The following SORCS3 variants were observed in gnomAD, a reference collection of about 807,000 sequenced individuals.
SORCS3 encodes the protein sortilin related VPS10 domain containing receptor 3.
Under a neutral mutation model 146.3 loss-of-function variants are expected in SORCS3, and 57 were observed. That is an observed-to-expected ratio of 0.39 (90% CI 0.31 to 0.49). SORCS3 has a LOEUF of 0.49. SORCS3 is among the 20% of genes least tolerant of loss of function. The pLI is 0.92. For missense variants in SORCS3, 1,341 were observed against 1,575.5 expected, an observed-to-expected ratio of 0.85 and a Z score of 2.52; for synonymous variants, 653 against 618.5, an observed-to-expected ratio of 1.06 and a Z score of -0.83.
chr10:104,824,391 C>A (rs541762980), intron 1 of SORCS3, among the ~76,000 whole-genome samples: 22 of 152,312 alleles, frequency 1.4e-4, no homozygotes, highest in African/African-American at 4.8e-4. Flanking sequence ...TATCTCCCTT[C>A]TTGCACTGAA....
At chr10:105,017,387 T>C (rs2055174715) in intron 4 of SORCS3, among the ~76,000 whole-genome samples, 2 of 152,168 alleles carry the variant, frequency 1.3e-5, no homozygotes, top group Non-Finnish European at 2.9e-5. Context: ...TAAAGAGTCT[T>C]CTCTGCTGAT....
chr10:104,673,266 A>AAC (rs1258029465), intron 1 of SORCS3, among the ~76,000 whole-genome samples: 1 of 152,130 alleles, frequency 6.6e-6, no homozygotes, highest in Non-Finnish European at 1.5e-5. Flanking sequence ...TTAATTACTG[A>AAC]TAAGGAGGTA....
intron 1 of SORCS3, among the ~76,000 whole-genome samples, chr10:104,725,778 G>T (rs570747773): frequency 6.6e-6 from 1 of 152,392 alleles, no homozygotes; most frequent in East Asian, 1.9e-4. Flanking sequence ...GCTGAGCCAT[G>T]CGCGGGATAT....
intron 1 of SORCS3, among the ~76,000 whole-genome samples, chr10:104,804,255 C>G (rs2017657606): frequency 6.6e-6 from 1 of 152,164 alleles, no homozygotes; most frequent in Admixed American, 6.5e-5. Flanking sequence ...GAACCTGGCC[C>G]AAGGCCATAT....
chr10:104,890,277 C>G (rs1443966568), intron 2 of SORCS3, among the ~76,000 whole-genome samples: 1 of 152,032 alleles, frequency 6.6e-6, no homozygotes, highest in Non-Finnish European at 1.5e-5. Context: ...ACCTCCTTCT[C>G]CTTTTAGAGA....
intron 3 of SORCS3, among the ~76,000 whole-genome samples, chr10:104,966,292 C>T (rs1237963037): frequency 1.3e-5 from 2 of 152,036 alleles, no homozygotes; most frequent in African/African-American, 2.4e-5. Flanking sequence ...GAGTAAAAGC[C>T]GTATCTACAG....
In SORCS3 at chr10:104,738,125, A is replaced by G. The variant is rs554402030; in HGVS notation, c.627+96171A>G. Among the ~76,000 whole-genome samples the G allele has an allele frequency of 1.1e-4, 17 of 152,214 alleles. No individual in the cohort carries two copies. In the East Asian group the frequency reaches 1.7e-3, roughly 16 times the overall value. On this transcript the variant is annotated intron_variant, in intron 1 of 26. Transcript: ENST00000369701. ...ATTTCTGAGCGCTCTGTTCTGTTCC[A>G]TTGATCTATACCAGTACCATGCTGT...
intron 1 of SORCS3, among the ~76,000 whole-genome samples, chr10:104,673,823 A>G (rs2015884081): frequency 1.3e-5 from 2 of 152,208 alleles, no homozygotes; most frequent in Admixed American, 1.3e-4. Context: ...TCTTAAAGTT[A>G]TAACAACTAA....
chr10:104,905,799 G>T (rs531378149), intron 2 of SORCS3, among the ~76,000 whole-genome samples: 5 of 152,198 alleles, frequency 3.3e-5, no homozygotes, highest in Non-Finnish European at 5.9e-5. Flanking sequence ...AGGCTCCGTC[G>T]GGGAGGATGG....
intron 1 of SORCS3, among the ~76,000 whole-genome samples, chr10:104,776,870 G>A (rs1304701586): frequency 2.7e-5 from 4 of 147,862 alleles, no homozygotes; most frequent in Admixed American, 1.3e-4. Context: ...TTATTCAGCA[G>A]CAGGGAAAAA....
intron 11 of SORCS3, among the ~76,000 whole-genome samples, chr10:105,161,176 T>C (rs1040096682): frequency 3.9e-5 from 6 of 152,230 alleles, no homozygotes; most frequent in African/African-American, 1.4e-4. Flanking sequence ...CTTTTTGCCA[T>C]GCCCTGGATC....
intron 2 of SORCS3, among the ~76,000 whole-genome samples, chr10:104,897,469 A>G (rs1663776253): frequency 6.6e-6 from 1 of 152,224 alleles, no homozygotes; most frequent in African/African-American, 2.4e-5. Context: ...CAGTTCCACT[A>G]AAATGCATAA....
chr10:105,102,315 T>C (rs1589633488), intron 6 of SORCS3, among the ~76,000 whole-genome samples: 1 of 152,190 alleles, frequency 6.6e-6, no homozygotes, highest in South Asian at 2.1e-4. Flanking sequence ...AAATAAAATG[T>C]AGTACATATA....
chr10:105,149,565 G>C (rs996673283), intron 9 of SORCS3, among the ~76,000 whole-genome samples: 1 of 152,138 alleles, frequency 6.6e-6, no homozygotes, highest in African/African-American at 2.4e-5. Flanking sequence ...CATCTTGTTT[G>C]AGGGTTTGGA....
chr10:104,889,452 GTA>G (rs2018726308), intron 2 of SORCS3, among the ~76,000 whole-genome samples: 1 of 114,250 alleles, frequency 8.8e-6, no homozygotes, highest in Non-Finnish European at 1.6e-5. Context: ...CTTTTGGATG[GTA>G]TTTTTTTTTT....
At chr10:105,209,656 G>A (rs1462441116) in intron 16 of SORCS3, among the ~76,000 whole-genome samples, 2 of 152,114 alleles carry the variant, frequency 1.3e-5, no homozygotes, top group Non-Finnish European at 2.9e-5. Flanking sequence ...GGCCTTCTAT[G>A]ACCTAGATAT....
chr10:105,175,984 G>C (rs2119552387), intron 13 of SORCS3, among the ~76,000 whole-genome samples: 2 of 152,254 alleles, frequency 1.3e-5, no homozygotes, highest in Middle Eastern at 6.8e-3. Context: ...GAGACAGAGA[G>C]ATAGAAAGAC....
intron 4 of SORCS3, among the ~76,000 whole-genome samples, chr10:105,022,628 A>G (rs1259304367): frequency 6.6e-6 from 1 of 152,208 alleles, no homozygotes; most frequent in Non-Finnish European, 1.5e-5. Context: ...CATTAAGACA[A>G]TAAAGATGTA....
chr10:104,815,429 A>T (rs979211623), intron 1 of SORCS3, among the ~76,000 whole-genome samples: 4 of 142,292 alleles, frequency 2.8e-5, no homozygotes, highest in African/African-American at 7.9e-5. Context: ...AGGCTAGGTG[A>T]CAGAGCCAGA....
Sources: allele counts gnomAD v4.1 joint callset (sites outside exome capture counted in the v4.1 genomes callset), GRCh38; gene constraint gnomAD v4.1.1; transcripts MANE v1.5; gene names NCBI Gene and HGNC (gene_info 2026-07-23, HGNC 2026-07-21).